The following CHEK2 variants were observed in gnomAD, a reference collection of about 807,000 sequenced individuals.
The protein encoded by CHEK2 is serine/threonine-protein kinase Chk2.
A neutral mutation model predicts 69.1 loss-of-function variants in CHEK2; 71 were observed. That is an observed-to-expected ratio of 1.03 (90% CI 0.85 to 1.25). The LOEUF (loss-of-function observed/expected upper bound fraction) is 1.25. CHEK2 is among the 50% of genes most tolerant of loss of function. The pLI, the probability that CHEK2 is intolerant of heterozygous loss-of-function variation, is 0.00. For missense variants in CHEK2, 664 were observed against 649.6 expected, an observed-to-expected ratio of 1.02 and a Z score of -0.24; for synonymous variants, 189 against 226.9, an observed-to-expected ratio of 0.83 and a Z score of 1.50.
At chr22:28,696,664 G>C (rs905571875) in intron 10 of CHEK2, among the ~76,000 whole-genome samples, 1 of 152,034 alleles carries the variant, frequency 6.6e-6, no homozygotes, top group South Asian at 2.1e-4. Flanking sequence ...CAGCCCACTC[G>C]TCCATTTAGA....
intron 7 of CHEK2, among the ~76,000 whole-genome samples, chr22:28,704,097 C>T (rs1056081859): frequency 3.5e-5 from 5 of 141,444 alleles, no homozygotes; most frequent in South Asian, 2.3e-4. Flanking sequence ...ACACTTGGGT[C>T]GGGGGCAGAG....
In CHEK2 at chr22:28,736,919, G is replaced by A. The variant is rs575741888; in HGVS notation, c.-6-2192C>T. The stretch of plus-strand genomic sequence containing the variant: ...GATCATACCACTTACATACCAGCCT[G>A]GGTGGCAGAGTGAGACCCTATCTCC... On this transcript the variant is annotated intron_variant, in intron 1 of 14. Coordinates refer to ENST00000404276, the MANE Select transcript of CHEK2 (RefSeq NM_007194.4). 5.3e-5 allele frequency among the ~76,000 whole-genome samples: 8 copies of A among 152,278 alleles called. No homozygotes were observed. The South Asian group carries it at 1.7e-3, about 32-fold the overall frequency.
chr22:28,690,628 CAAAAA>C (rs35236854), intron 13 of CHEK2, among the ~76,000 whole-genome samples: 1 of 88,074 alleles, frequency 1.1e-5, no homozygotes. Flanking sequence ...ACACTGTCTC[CAAAAA>C]AAAAAAAAAA....
Position 28,724,514 on chromosome 22 carries a change from A to C in CHEK2, c.592+463T>G. 1.3e-5 allele frequency: 3 copies of C among 232,394 alleles called. No homozygotes were observed. In the South Asian group the frequency reaches 2.0e-4, roughly 15 times the overall value. The allele number at this position is 232,394 out of a possible 1,614,324, so 14.4% of individuals were successfully genotyped here. A position where few individuals can be genotyped will look rare whatever the true frequency, so the allele number is the denominator to read the frequency against. ...TCTGTCTGGATGGAACTTTTTCATAATTTTACAATGCAACTAGGACGGCAA... is the reference window on the plus strand; with the variant it reads ...TCTGTCTGGATGGAACTTTTTCATACTTTTACAATGCAACTAGGACGGCAA... On this transcript the variant is annotated intron_variant, in intron 4 of 14. Transcript: ENST00000404276.
At chr22:28,697,161 GA>G (rs2052624220) in intron 9 of CHEK2, among the ~76,000 whole-genome samples, 174 bp from the exon 10 acceptor site, 1 of 152,100 alleles carries the variant, frequency 6.6e-6, no homozygotes. Context: ...ATTTGTTTGA[GA>G]AGATCTTTAA....
At chr22:28,702,141 G>GTGTGTA (rs1022955343) in intron 8 of CHEK2, among the ~76,000 whole-genome samples, 1 of 142,498 alleles carries the variant, frequency 7.0e-6, no homozygotes, top group Non-Finnish European at 1.6e-5. Flanking sequence ...GTGTCTGTGT[G>GTGTGTA]TGTGTGTGTG....
intron 5 of CHEK2, 194 bp from the exon 6 acceptor site, chr22:28,712,211 T>A (rs1569141379): frequency 3.3e-6 from 2 of 601,646 alleles, no homozygotes; most frequent in Non-Finnish European, 3.0e-6. Context: ...AAACACTAAG[T>A]CAGCTCCAAA....
chr22:28,719,820 C>A (rs1391778791), intron 4 of CHEK2, among the ~76,000 whole-genome samples: 1 of 152,154 alleles, frequency 6.6e-6, no homozygotes, highest in Admixed American at 6.6e-5. Context: ...AATGCCCATG[C>A]AGATTTACAA....
In CHEK2 at chr22:28,734,296, G is replaced by A. The variant is rs867910000; in HGVS notation, c.319+107C>T. On this transcript the variant is annotated intron_variant, in intron 2 of 14. Coordinates refer to ENST00000404276, the MANE Select transcript of CHEK2 (RefSeq NM_007194.4). The stretch of plus-strand genomic sequence containing the variant: ...CATGATGTTCAATTATTTGTTCAAC[G>A]TGCCAAAAACCTGGACAACTCCAAT... 1.2e-4 allele frequency: 127 copies of A among 1,030,356 alleles called. 1 individual carries two copies. The highest frequency in any genetic ancestry group is 4.4e-5 in the Admixed American group (2 of 45,502). 63.8% of individuals were successfully genotyped at this position (1,030,356 alleles called of 1,614,324 possible). A position where few individuals can be genotyped will look rare whatever the true frequency, so the allele number is the denominator to read the frequency against.
intron 2 of CHEK2, among the ~76,000 whole-genome samples, chr22:28,729,997 G>A (rs1046845426): frequency 1.3e-4 from 19 of 150,722 alleles, no homozygotes; most frequent in Admixed American, 8.0e-4. Context: ...CTGCCACCAC[G>A]CCCGGCTAAT....
chr22:28,713,620 T>G (rs549139277), intron 5 of CHEK2, among the ~76,000 whole-genome samples: 4 of 152,130 alleles, frequency 2.6e-5, no homozygotes, highest in Non-Finnish European at 5.9e-5. Context: ...CCTCCCAAAG[T>G]GCTGGGATTA....
chr22:28,729,249 A>G, intron 2 of CHEK2: 1 of 265,504 alleles, frequency 3.8e-6, no homozygotes, highest in Non-Finnish European at 7.6e-6. Context: ...ACCAAACAAG[A>G]ATTAACCCAG....
chr22:28,725,154 T>C (rs759922038), intron 3 of CHEK2, 30 bp from the exon 4 acceptor site: 9 of 1,614,044 alleles, frequency 5.6e-6, no homozygotes, highest in Non-Finnish European at 7.6e-6. Flanking sequence ...GTTTCAGACT[T>C]TGAATAGCAG....
intron 2 of CHEK2, among the ~76,000 whole-genome samples, chr22:28,733,938 A>G (rs1184022611): frequency 6.6e-6 from 1 of 151,980 alleles, no homozygotes; most frequent in African/African-American, 2.4e-5. Flanking sequence ...AAAAAAAAAA[A>G]AAATTCCTGA....
At chr22:28,698,228 T>TTAAAAAAAA (rs2052668665) in intron 9 of CHEK2, among the ~76,000 whole-genome samples, 1 of 81,900 alleles carries the variant, frequency 1.2e-5, no homozygotes, top group African/African-American at 3.8e-5. Context: ...CTATCTTTAC[T>TTAAAAAAAA]AAAAAAAAAA....
intron 1 of CHEK2, 96 bp from the exon 2 acceptor site, chr22:28,734,823 A>C: frequency 1.1e-6 from 1 of 934,964 alleles, no homozygotes; most frequent in Non-Finnish European, 1.6e-6. Flanking sequence ...AGCAAAAGAA[A>C]AGAAAAAAAA....
chr22:28,738,746 G>A (rs553450136), intron 1 of CHEK2, among the ~76,000 whole-genome samples: 1 of 152,228 alleles, frequency 6.6e-6, no homozygotes, highest in South Asian at 2.1e-4. Flanking sequence ...TTTGGGCACA[G>A]GGTTTTTACG....
chr22:28,734,959 C>G (rs2054353245), intron 1 of CHEK2, among the ~76,000 whole-genome samples: 1 of 151,860 alleles, frequency 6.6e-6, no homozygotes, highest in South Asian at 2.1e-4. Context: ...CAGCCATAAA[C>G]TACAGGGAAA....
At chr22:28,690,777 G>A (rs193230473) in intron 13 of CHEK2, among the ~76,000 whole-genome samples, 2 of 146,134 alleles carry the variant, frequency 1.4e-5, no homozygotes, top group East Asian at 2.0e-4. Flanking sequence ...CTAGGTGAGA[G>A]AGCAAGACCC....
Sources: allele counts gnomAD v4.1 joint callset (sites outside exome capture counted in the v4.1 genomes callset), GRCh38; gene constraint gnomAD v4.1.1; transcripts MANE v1.5; gene names NCBI Gene and HGNC (gene_info 2026-07-23, HGNC 2026-07-21).